Variants in LRRC49 observed in about 807,000 individuals in gnomAD.
The protein encoded by LRRC49 is leucine rich repeat containing 49, also known as leucine-rich repeat-containing protein 49.
LRRC49 carries 50 observed loss-of-function variants against 83.3 expected under a neutral mutation model. That is an observed-to-expected ratio of 0.60 (90% CI 0.48 to 0.76). LRRC49 has a LOEUF of 0.76. Ranked by LOEUF, LRRC49 falls within the 30% of genes least tolerant of loss-of-function variation. LRRC49 has a pLI of 0.00. For synonymous variants in LRRC49, 286 were observed against 283.3 expected (o/e 1.01, Z -0.10); for missense variants, 704 against 809.1 (o/e 0.87, Z 1.58).
intron 11 of LRRC49, among the ~76,000 whole-genome samples, chr15:70,996,982 C>G (rs1380168824): frequency 6.6e-6 from 1 of 152,120 alleles, no homozygotes; most frequent in Non-Finnish European, 1.5e-5. Flanking sequence ...TATGGTCTAT[C>G]CCAGAGAATT....
At chr15:70,948,495 G>GTTTT (rs34256149) in intron 8 of LRRC49, among the ~76,000 whole-genome samples, 2 of 140,738 alleles carry the variant, frequency 1.4e-5, no homozygotes, top group Non-Finnish European at 1.5e-5. Flanking sequence ...CATTAGCAAA[G>GTTTT]TTTTTTTTTT....
intron 7 of LRRC49, among the ~76,000 whole-genome samples, chr15:70,921,588 GAGTA>G (rs2035008662): frequency 6.6e-6 from 1 of 152,182 alleles, no homozygotes; most frequent in African/African-American, 2.4e-5. Flanking sequence ...ACCCAGCATG[GAGTA>G]AGATGGCATT....
At chr15:71,018,692 T>C (rs2038903563) in intron 14 of LRRC49, among the ~76,000 whole-genome samples, 1 of 152,180 alleles carries the variant, frequency 6.6e-6, no homozygotes. Context: ...TTCAATTTAA[T>C]TCTGACACTG....
At chr15:71,012,162 C>A (rs2038675248) in intron 13 of LRRC49, among the ~76,000 whole-genome samples, 1 of 152,124 alleles carries the variant, frequency 6.6e-6, no homozygotes, top group Non-Finnish European at 1.5e-5. Flanking sequence ...GTAAGCAACC[C>A]TATTTTATAT....
intron 3 of LRRC49, among the ~76,000 whole-genome samples, chr15:70,898,700 T>C (rs2033942163): frequency 6.6e-6 from 1 of 152,144 alleles, no homozygotes; most frequent in East Asian, 1.9e-4. Context: ...GGAGGATCAC[T>C]TGAGCCTGGG....
intron 8 of LRRC49, among the ~76,000 whole-genome samples, chr15:70,952,222 T>C (rs2036242598): frequency 6.6e-6 from 1 of 151,958 alleles, no homozygotes; most frequent in Non-Finnish European, 1.5e-5. Flanking sequence ...GAAGCTTTTT[T>C]TTTTTTTTCT....
chr15:70,955,759 G>A (rs894838465), intron 8 of LRRC49, among the ~76,000 whole-genome samples: 2 of 152,064 alleles, frequency 1.3e-5, no homozygotes, highest in African/African-American at 2.4e-5. Flanking sequence ...GATCATGAAT[G>A]CATTTGAGAC....
At position 70,903,741 on chromosome 15, in the gene LRRC49, C is replaced by T. The variant is rs534513374; in HGVS notation, c.297-811C>T. ...ATTTTAACCTCTCAGAGTAGAATCA[C>T]GCAGGACCTCATGTCTGCCCCTATT... is the stretch of plus-strand genomic sequence containing the variant. On this transcript the variant is annotated intron_variant, in intron 4 of 15. Coordinates refer to ENST00000260382, the MANE Select transcript of LRRC49 (RefSeq NM_017691.5). 9.2e-5 allele frequency among the ~76,000 whole-genome samples: 14 copies of T among 152,216 alleles called. 1 individual carries two copies. Among genetic ancestry groups the T allele is most frequent in the South Asian group, 8.3e-4 (4 of 4,830 alleles).
intron 15 of LRRC49, among the ~76,000 whole-genome samples, chr15:71,037,734 T>C (rs1290181857): frequency 6.6e-6 from 1 of 152,180 alleles, no homozygotes; most frequent in Non-Finnish European, 1.5e-5. Context: ...TTGTTCTCCT[T>C]ACTGGGACCA....
intron 11 of LRRC49, among the ~76,000 whole-genome samples, chr15:70,993,610 T>G (rs1480530440): frequency 6.6e-6 from 1 of 152,238 alleles, no homozygotes; most frequent in Non-Finnish European, 1.5e-5. Context: ...AGAGCTATAT[T>G]TAATATTATT....
At chr15:71,023,661 T>A (rs2039064651) in intron 14 of LRRC49, among the ~76,000 whole-genome samples, 1 of 152,214 alleles carries the variant, frequency 6.6e-6, no homozygotes, top group South Asian at 2.1e-4. Flanking sequence ...TGTGCTACCC[T>A]GCCTGGGAAA....
chr15:70,990,483 C>A (rs1225766460), intron 11 of LRRC49, among the ~76,000 whole-genome samples: 1 of 152,328 alleles, frequency 6.6e-6, no homozygotes, highest in Admixed American at 6.5e-5. Context: ...TTAAGCCCAT[C>A]GGAAAAGCAC....
chr15:70,959,694 A>T (rs2036539630), intron 8 of LRRC49, among the ~76,000 whole-genome samples: 1 of 151,760 alleles, frequency 6.6e-6, no homozygotes, highest in African/African-American at 2.4e-5. Context: ...AAGAAAGAAA[A>T]TCCCAATCAA....
At chr15:70,878,648 G>A (rs2033201133) in intron 2 of LRRC49, among the ~76,000 whole-genome samples, 2 of 152,126 alleles carry the variant, frequency 1.3e-5, no homozygotes, top group South Asian at 2.1e-4. Context: ...TTATTGGTAG[G>A]TTTTTATCAT....
intron 8 of LRRC49, among the ~76,000 whole-genome samples, chr15:70,948,322 T>G (rs1439242567): frequency 6.6e-6 from 1 of 152,150 alleles, no homozygotes; most frequent in African/African-American, 2.4e-5. Flanking sequence ...TTTACTTCAT[T>G]GCACTCCTGA....
chr15:70,916,809 T>G (rs954698502), intron 6 of LRRC49, among the ~76,000 whole-genome samples: 1 of 152,152 alleles, frequency 6.6e-6, no homozygotes, highest in African/African-American at 2.4e-5. Flanking sequence ...GGCATCCCTG[T>G]GCTGTTGGGG....
At chr15:70,937,176 C>T (rs564868352) in intron 8 of LRRC49, among the ~76,000 whole-genome samples, 1 of 152,288 alleles carries the variant, frequency 6.6e-6, no homozygotes, top group South Asian at 2.1e-4. Context: ...TTGTCAGCTA[C>T]AATTTGTATA....
At chr15:70,923,769 C>G (rs1254444364) in intron 7 of LRRC49, among the ~76,000 whole-genome samples, 1 of 151,832 alleles carries the variant, frequency 6.6e-6, no homozygotes, top group African/African-American at 2.4e-5. Flanking sequence ...TCTGCTTTAT[C>G]TTCTCTCTTG....
chr15:70,894,481 GT>G, intron 2 of LRRC49: 1 of 402,392 alleles, frequency 2.5e-6, no homozygotes, highest in South Asian at 2.3e-5. Flanking sequence ...TCCCCATAAT[GT>G]CTCTAGCATT....
Sources: allele counts gnomAD v4.1 joint callset (sites outside exome capture counted in the v4.1 genomes callset), GRCh38; gene constraint gnomAD v4.1.1; transcripts MANE v1.5; gene names NCBI Gene and HGNC (gene_info 2026-07-23, HGNC 2026-07-21).